The following COL23A1 variants were observed in gnomAD, a reference collection of about 807,000 sequenced individuals.
COL23A1 encodes collagen type XXIII alpha 1 chain, also known as collagen alpha-1(XXIII) chain.
COL23A1 carries 97 observed loss-of-function variants against 99.3 expected under a neutral mutation model. That is an observed-to-expected ratio of 0.98 (90% CI 0.83 to 1.16). The LOEUF is 1.16. Among genes scored for constraint, COL23A1 ranks in the 50% most tolerant of loss-of-function variants. The probability of loss-of-function intolerance (pLI) is 0.00; values close to 1 mark genes in which losing one functional copy is unlikely to be tolerated. For synonymous variants in COL23A1, 320 were observed against 308.2 expected (o/e 1.04, Z -0.40); for missense variants, 762 against 757.4 (o/e 1.01, Z -0.07).
At chr5:178,275,423 C>T (rs145080186) in intron 5 of COL23A1, among the ~76,000 whole-genome samples, 7 of 152,302 alleles carry the variant, frequency 4.6e-5, no homozygotes, top group African/African-American at 7.2e-5. Context: ...CTCGGCCTGT[C>T]GCGTATTTCC....
intron 2 of COL23A1, among the ~76,000 whole-genome samples, chr5:178,330,954 C>G (rs1158747889): frequency 4.6e-5 from 7 of 152,282 alleles, no homozygotes; most frequent in Non-Finnish European, 1.0e-4. Flanking sequence ...CGCCTTCACT[C>G]TGTCACATCC....
chr5:178,409,415 T>C lies in COL23A1; in HGVS notation c.362-102496A>G, dbSNP rs116272887. On this transcript the variant is annotated intron_variant, in intron 2 of 28. Transcript: ENST00000390654. ...GGTGATTGCCAGAGGTTAAGAGTGGTGAGAGGTTGGAGATGTTAGGAACAT... is the reference window on the plus strand; with the variant it reads ...GGTGATTGCCAGAGGTTAAGAGTGGCGAGAGGTTGGAGATGTTAGGAACAT... Among the ~76,000 whole-genome samples, 421 of 152,266 alleles carry C rather than the reference T, an allele frequency of 2.8e-3. 1 individual carries two copies. Among genetic ancestry groups the C allele is most frequent in the Non-Finnish European group, 3.9e-3 (263 of 68,022 alleles).
chr5:178,363,203 C>T (rs1367792873), intron 2 of COL23A1, among the ~76,000 whole-genome samples: 1 of 151,926 alleles, frequency 6.6e-6, no homozygotes, highest in Non-Finnish European at 1.5e-5. Context: ...TAAGCATCAG[C>T]CCATGCCCTA....
intron 2 of COL23A1, among the ~76,000 whole-genome samples, chr5:178,357,462 T>A (rs1264936613): frequency 2.0e-5 from 3 of 152,208 alleles, no homozygotes; most frequent in African/African-American, 7.2e-5. Context: ...AACAGCACAC[T>A]GGGGAACTGT....
chr5:178,346,198 T>TTTTA (rs1185921600), intron 2 of COL23A1, among the ~76,000 whole-genome samples: 3 of 152,226 alleles, frequency 2.0e-5, no homozygotes, highest in South Asian at 2.1e-4. Context: ...AAATTGATCT[T>TTTTA]TTTATTTATT....
At position 178,422,054 on chromosome 5, in the gene COL23A1, A is replaced by T. The variant is rs569836102; in HGVS notation, c.362-115135T>A. Among the ~76,000 whole-genome samples the T allele has an allele frequency of 3.3e-5, 5 of 152,324 alleles. No homozygotes were observed. In the South Asian group the frequency reaches 1.0e-3, roughly 32 times the overall value. On this transcript the variant is annotated intron_variant, in intron 2 of 28. Coordinates refer to ENST00000390654, the MANE Select transcript of COL23A1 (RefSeq NM_173465.4). ...TTTTTAGGCCTCAGCTTCTCCAGTAAAATGAGGACTTTATCTCAGGGCCCT... is the reference window on the plus strand; with the variant it reads ...TTTTTAGGCCTCAGCTTCTCCAGTATAATGAGGACTTTATCTCAGGGCCCT...
At chr5:178,267,464 C>A in intron 7 of COL23A1, 131 bp from the exon 8 acceptor site, 1 of 889,382 alleles carries the variant, frequency 1.1e-6, no homozygotes, top group Non-Finnish European at 1.7e-6. Flanking sequence ...CAGGCAGGCC[C>A]TATTTTTATT....
intron 2 of COL23A1, among the ~76,000 whole-genome samples, chr5:178,542,184 CAACT>C (rs945196699): frequency 6.6e-6 from 1 of 152,088 alleles, no homozygotes; most frequent in Non-Finnish European, 1.5e-5. Context: ...CCACCACAAC[CAACT>C]AATTACAGGC....
At chr5:178,422,798 C>T (rs1484077809) in intron 2 of COL23A1, among the ~76,000 whole-genome samples, 1 of 152,024 alleles carries the variant, frequency 6.6e-6, no homozygotes, top group Non-Finnish European at 1.5e-5. Context: ...CAGACTATGT[C>T]ATTATAATTG....
At chr5:178,557,272 C>G (rs992994670) in intron 2 of COL23A1, among the ~76,000 whole-genome samples, 1 of 152,212 alleles carries the variant, frequency 6.6e-6, no homozygotes, top group Non-Finnish European at 1.5e-5. Flanking sequence ...TGTAGACACA[C>G]CCTAAATGCT....
chr5:178,511,770 G>A (rs560780053), intron 2 of COL23A1, among the ~76,000 whole-genome samples: 142 of 152,280 alleles, frequency 9.3e-4, no homozygotes, highest in Non-Finnish European at 1.6e-3. Flanking sequence ...TCATCCATCT[G>A]TAAACTGAGG....
At chr5:178,432,845 G>A (rs1451931301) in intron 2 of COL23A1, among the ~76,000 whole-genome samples, 1 of 152,096 alleles carries the variant, frequency 6.6e-6, no homozygotes, top group Non-Finnish European at 1.5e-5. Flanking sequence ...CTCCCTTTCA[G>A]CTGTTCTGCT....
chr5:178,265,741 G>A, intron 8 of COL23A1: 1 of 984,086 alleles, frequency 1.0e-6, no homozygotes, highest in African/African-American at 1.7e-5. Context: ...TCAGCAGATA[G>A]GTTGTGTGGT....
intron 27 of COL23A1, among the ~76,000 whole-genome samples, chr5:178,240,467 G>A (rs1764333834): frequency 6.6e-6 from 1 of 152,178 alleles, no homozygotes; most frequent in African/African-American, 2.4e-5. Context: ...CTACCGCAGG[G>A]CATGGCCCAT....
At chr5:178,346,234 G>A (rs1024036130) in intron 2 of COL23A1, among the ~76,000 whole-genome samples, 2 of 151,874 alleles carry the variant, frequency 1.3e-5, no homozygotes, top group East Asian at 1.9e-4. Flanking sequence ...TATTTTTGTT[G>A]TTGTTTGTTT....
chr5:178,335,802 T>A (rs1230141818), intron 2 of COL23A1, among the ~76,000 whole-genome samples: 1 of 152,246 alleles, frequency 6.6e-6, no homozygotes, highest in Non-Finnish European at 1.5e-5. Flanking sequence ...GGCGAACTTC[T>A]TGCACAGTTC....
intron 2 of COL23A1, among the ~76,000 whole-genome samples, chr5:178,362,485 C>T (rs1357159150): frequency 1.3e-5 from 2 of 152,156 alleles, no homozygotes; most frequent in Non-Finnish European, 2.9e-5. Flanking sequence ...CCACCAGCAC[C>T]TCACTTTTCC....
At chr5:178,563,971 G>A (rs374858709) in intron 1 of COL23A1, among the ~76,000 whole-genome samples, 16 of 152,320 alleles carry the variant, frequency 1.1e-4, no homozygotes, top group East Asian at 9.6e-4. Context: ...GTGCTAGACA[G>A]GACAGAAAGG....
At chr5:178,323,771 T>C (rs1759480768) in intron 2 of COL23A1, among the ~76,000 whole-genome samples, 1 of 152,150 alleles carries the variant, frequency 6.6e-6, no homozygotes, top group Admixed American at 6.5e-5. Context: ...CATGTGGACC[T>C]ACCATGAGCC....
Sources: allele counts gnomAD v4.1 joint callset (sites outside exome capture counted in the v4.1 genomes callset), GRCh38; gene constraint gnomAD v4.1.1; transcripts MANE v1.5; gene names NCBI Gene and HGNC (gene_info 2026-07-23, HGNC 2026-07-21).